TOP1MT: variants seen among roughly 807,000 people sequenced by gnomAD.
TOP1MT encodes the protein DNA topoisomerase I, mitochondrial.
In TOP1MT, 80 loss-of-function variants were observed where a neutral mutation model predicts 73.9. That is an observed-to-expected ratio of 1.08 (90% CI 0.90 to 1.30). The LOEUF is 1.30. Ranked by LOEUF, TOP1MT falls within the 50% of genes most tolerant of loss-of-function variation. TOP1MT has a pLI of 0.00. For synonymous variants in TOP1MT, 338 were observed against 326.4 expected (o/e 1.04, Z -0.38); for missense variants, 815 against 808.0 (o/e 1.01, Z -0.10).
intron 8 of TOP1MT, among the ~76,000 whole-genome samples, chr8:143,320,289 C>G (rs554833316): frequency 6.6e-6 from 1 of 151,968 alleles, no homozygotes; most frequent in Non-Finnish European, 1.5e-5. Flanking sequence ...CCACGATGCC[C>G]GGCTAATTTT....
At chr8:143,319,918 G>A (rs1329645157) in intron 8 of TOP1MT, among the ~76,000 whole-genome samples, 1 of 151,748 alleles carries the variant, frequency 6.6e-6, no homozygotes, top group African/African-American at 2.4e-5. Flanking sequence ...GAGGTCAAGA[G>A]TTCAACACCA....
At chr8:143,315,702 G>A in intron 12 of TOP1MT, 25 bp downstream of exon 12, 2 of 1,601,782 alleles carry the variant, frequency 1.2e-6, no homozygotes, top group Non-Finnish European at 1.7e-6. Flanking sequence ...CCCGGGAGAA[G>A]GCGTCTGAGG....
intron 1 of TOP1MT, chr8:143,332,610 G>A (rs574026267): frequency 2.4e-6 from 3 of 1,268,904 alleles, no homozygotes; most frequent in African/African-American, 1.5e-5. Flanking sequence ...GTCTGAGAGG[G>A]GAAAGCATGT....
At position 143,315,721 on chromosome 8, in the gene TOP1MT, A is replaced by G. The variant is rs1816140506; in HGVS notation, c.1553+6T>C. The G allele has an allele frequency of 1.2e-6, 2 of 1,612,504 alleles. No homozygotes were observed. Among genetic ancestry groups the G allele is most frequent in the African/African-American group, 1.3e-5 (1 of 74,846 alleles). Reference sequence around the variant, plus strand: ...GGAGAAGGCGTCTGAGGGCACGGGTACTCACCTCCTGGACTTGCCATCCCC... The same window carrying G: ...GGAGAAGGCGTCTGAGGGCACGGGTGCTCACCTCCTGGACTTGCCATCCCC... On this transcript the variant is annotated splice_donor_region_variant and intron_variant, in intron 12 of 13. Coordinates refer to ENST00000329245, the MANE Select transcript of TOP1MT (RefSeq NM_052963.3).
intron 7 of TOP1MT, among the ~76,000 whole-genome samples, chr8:143,323,559 A>ACACATGCTCAC (rs1816602362): frequency 1.4e-5 from 1 of 73,824 alleles, no homozygotes; most frequent in Non-Finnish European, 2.7e-5. Context: ...CACGCACGCC[A>ACACATGCTCAC]CACACATGCA....
chr8:143,332,657 T>C (rs991891310), intron 1 of TOP1MT: 4 of 1,013,876 alleles, frequency 3.9e-6, no homozygotes, highest in Non-Finnish European at 5.4e-6. Flanking sequence ...TCTGGCTGTT[T>C]CTGCAGAGGA....
chr8:143,350,394 C>G (rs566885276), intron 1 of TOP1MT: 1 of 152,222 alleles, frequency 6.6e-6, no homozygotes, highest in Non-Finnish European at 1.5e-5. Flanking sequence ...TTCAGTGGCA[C>G]GGTCTCAGCT....
chr8:143,342,984 T>C (rs905779028), intron 2 of TOP1MT, among the ~76,000 whole-genome samples: 7 of 151,876 alleles, frequency 4.6e-5, no homozygotes, highest in African/African-American at 7.3e-5. Context: ...TGGTCTCAAA[T>C]TCCTGACCTC....
intron 12 of TOP1MT, 38 bp downstream of exon 12, chr8:143,315,689 G>C: frequency 6.4e-7 from 1 of 1,567,828 alleles, no homozygotes; most frequent in Non-Finnish European, 8.8e-7. Context: ...GTTGGGACAG[G>C]GCCCCGGGAG....
At chr8:143,312,524 A>T (rs1332309192) in intron 12 of TOP1MT, among the ~76,000 whole-genome samples, 1 of 152,202 alleles carries the variant, frequency 6.6e-6, no homozygotes, top group Non-Finnish European at 1.5e-5. Context: ...CATGATAAAA[A>T]AAAAAGAACC....
chr8:143,356,693 G>A (rs879505856), upstream of TOP1MT, among the ~76,000 whole-genome samples: 4 of 149,272 alleles, frequency 2.7e-5, no homozygotes, highest in Admixed American at 2.0e-4. Context: ...GGCTGAGGCA[G>A]GAGAATAGAT....
chr8:143,358,300 CA>C (rs1817446026), upstream of TOP1MT, among the ~76,000 whole-genome samples: 1 of 152,156 alleles, frequency 6.6e-6, no homozygotes, highest in African/African-American at 2.4e-5. Context: ...ACGGCAACAC[CA>C]GTGCCAAAAT....
upstream of TOP1MT, among the ~76,000 whole-genome samples, chr8:143,336,415 C>A (rs1053208137): frequency 7.2e-5 from 11 of 152,148 alleles, no homozygotes; most frequent in Non-Finnish European, 5.9e-5. Flanking sequence ...AAAACCCACT[C>A]AAGAACAGAA....
intron 7 of TOP1MT, among the ~76,000 whole-genome samples, chr8:143,322,489 ACG>A (rs1491242925): frequency 1.6e-5 from 2 of 124,174 alleles, no homozygotes; most frequent in African/African-American, 3.2e-5. Flanking sequence ...GGCACGCCAC[ACG>A]CACGCCACAC....
intron 12 of TOP1MT, among the ~76,000 whole-genome samples, chr8:143,312,437 T>A (rs1816037853): frequency 6.6e-6 from 1 of 152,060 alleles, no homozygotes; most frequent in Non-Finnish European, 1.5e-5. Flanking sequence ...GTATAATACA[T>A]CCTATCAATA....
Position 143,315,657 on chromosome 8 carries a change from C to T in TOP1MT, c.1553+70G>A, listed in dbSNP as rs111887904. ...ACAACAAGGGTCGTCTCCCACCGAC[C>T]CTGTGGGGCTGGACCCTACGGGTTG... On this transcript the variant is annotated intron_variant, in intron 12 of 13. Transcript: ENST00000329245. 3.8e-4 allele frequency: 466 copies of T among 1,236,850 alleles called. 6 individuals carry two copies. In the African/African-American group the frequency reaches 6.1e-3, roughly 16 times the overall value. The allele number at this position is 1,236,850 out of a possible 1,614,324, so 76.6% of individuals were successfully genotyped here.
intron 1 of TOP1MT, chr8:143,332,726 C>G (rs913141172): frequency 2.1e-6 from 1 of 468,884 alleles, no homozygotes; most frequent in Non-Finnish European, 3.8e-6. Context: ...GAGAAGTTAA[C>G]GGGCTCAAGA....
intron 1 of TOP1MT, among the ~76,000 whole-genome samples, chr8:143,355,057 G>C (rs543984631): frequency 6.6e-6 from 1 of 152,142 alleles, no homozygotes; most frequent in Non-Finnish European, 1.5e-5. Context: ...GGTGTGGCCC[G>C]TGCACCGCCT....
intron 8 of TOP1MT, among the ~76,000 whole-genome samples, chr8:143,319,658 C>T (rs1156777183): frequency 6.6e-6 from 1 of 152,110 alleles, no homozygotes; most frequent in South Asian, 2.1e-4. Flanking sequence ...CCCGACCACA[C>T]TCATCCCTCT....
Sources: allele counts gnomAD v4.1 joint callset (sites outside exome capture counted in the v4.1 genomes callset), GRCh38; gene constraint gnomAD v4.1.1; transcripts MANE v1.5; gene names NCBI Gene and HGNC (gene_info 2026-07-23, HGNC 2026-07-21).